The following TBC1D22A variants were observed in gnomAD, a reference collection of about 807,000 sequenced individuals.
TBC1D22A encodes putative GTPase activator.
In TBC1D22A, 38 loss-of-function variants were observed where a neutral mutation model predicts 60.2. The observed-to-expected ratio is 0.63, with a 90% CI of 0.49 to 0.83. The LOEUF is 0.83. Ranked by LOEUF, TBC1D22A falls within the 40% of genes least tolerant of loss-of-function variation. TBC1D22A has a pLI of 0.00. For missense variants in TBC1D22A, 628 were observed against 701.0 expected (o/e 0.90, Z 1.18); for synonymous variants, 302 against 281.7 (o/e 1.07, Z -0.72).
intron 12 of TBC1D22A, among the ~76,000 whole-genome samples, chr22:47,140,541 G>A (rs1283672649): frequency 2.0e-5 from 3 of 147,752 alleles, no homozygotes; most frequent in African/African-American, 7.6e-5. Context: ...GTGACAGAGT[G>A]AGACTCTGTC....
intron 9 of TBC1D22A, among the ~76,000 whole-genome samples, chr22:46,975,575 G>C (rs1248859419): frequency 6.6e-6 from 1 of 152,186 alleles, no homozygotes; most frequent in African/African-American, 2.4e-5. Context: ...CCTCATCTGA[G>C]AGACACAGAG....
At chr22:47,112,637 A>G (rs2065893777) in intron 12 of TBC1D22A, among the ~76,000 whole-genome samples, 1 of 152,192 alleles carries the variant, frequency 6.6e-6, no homozygotes, top group South Asian at 2.1e-4. Flanking sequence ...AGAGCTGCCA[A>G]CAGATCCTGG....
intron 10 of TBC1D22A, among the ~76,000 whole-genome samples, chr22:46,998,592 C>A (rs2075201643): frequency 6.6e-6 from 1 of 152,244 alleles, no homozygotes; most frequent in South Asian, 2.1e-4. Context: ...CCCCTCCCTG[C>A]GCCTTTAGCA....
At chr22:47,113,622 A>T (rs2065927663) in intron 12 of TBC1D22A, among the ~76,000 whole-genome samples, 1 of 152,064 alleles carries the variant, frequency 6.6e-6, no homozygotes, top group Non-Finnish European at 1.5e-5. Context: ...GAAATGATTG[A>T]CCTTCAGCAA....
chr22:47,145,635 A>G (rs1160266499), intron 12 of TBC1D22A, among the ~76,000 whole-genome samples: 2 of 152,234 alleles, frequency 1.3e-5, no homozygotes, highest in Non-Finnish European at 2.9e-5. Context: ...TAGGAGAGGT[A>G]TTCTTGTTTT....
chr22:46,788,187 C>G lies in TBC1D22A; in HGVS notation c.63-4333C>G, dbSNP rs529149304. On this transcript the variant is annotated intron_variant, in intron 1 of 12. Coordinates refer to ENST00000337137, the MANE Select transcript of TBC1D22A (RefSeq NM_014346.5). ...TCCAGACCTCGTGATCCACCCGCCT[C>G]GGCCTCCCAAAGTGCTGGGATTACA... Among the ~76,000 whole-genome samples the G allele has an allele frequency of 2.5e-4, 38 of 152,188 alleles. 2 individuals are homozygous for G. In the East Asian group the frequency reaches 6.8e-3, roughly 27 times the overall value.
chr22:47,050,982 C>T (rs2063194168), intron 11 of TBC1D22A, among the ~76,000 whole-genome samples: 1 of 152,156 alleles, frequency 6.6e-6, no homozygotes, highest in Non-Finnish European at 1.5e-5. Flanking sequence ...GGGACCTTTG[C>T]AGCCGCCTGG....
At chr22:46,921,742 A>G (rs1307511794) in intron 8 of TBC1D22A, among the ~76,000 whole-genome samples, 1 of 151,458 alleles carries the variant, frequency 6.6e-6, no homozygotes, top group Non-Finnish European at 1.5e-5. Flanking sequence ...TACAACCTCC[A>G]CAGCATCTGT....
chr22:47,060,656 T>C (rs2063542159), intron 11 of TBC1D22A, among the ~76,000 whole-genome samples: 1 of 152,218 alleles, frequency 6.6e-6, no homozygotes. Flanking sequence ...GGTCTTGAAC[T>C]CCTGACCTCA....
intron 11 of TBC1D22A, among the ~76,000 whole-genome samples, chr22:47,088,812 G>A (rs2064803079): frequency 1.3e-5 from 2 of 152,326 alleles, no homozygotes; most frequent in South Asian, 2.1e-4. Context: ...GCATCACCAG[G>A]AAGGAGACCC....
intron 11 of TBC1D22A, among the ~76,000 whole-genome samples, chr22:47,078,555 G>A (rs1050004793): frequency 7.2e-5 from 11 of 152,106 alleles, no homozygotes; most frequent in Admixed American, 2.0e-4. Flanking sequence ...AATGTAACGC[G>A]CTTAGCACAG....
chr22:46,966,327 G>A (rs774228497), intron 8 of TBC1D22A, among the ~76,000 whole-genome samples: 33 of 152,224 alleles, frequency 2.2e-4, no homozygotes, highest in Non-Finnish European at 3.8e-4. Context: ...TGTGAGCTGC[G>A]TCCCTCTGTA....
rs928990523 is a variant in TBC1D22A, at chr22:47,175,027, A to G, written c.*1401A>G. The G allele has an allele frequency of 6.6e-6, 1 of 152,260 alleles. No homozygotes were observed. The highest frequency in any genetic ancestry group is 1.5e-5 in the Non-Finnish European group (1 of 68,112). The allele number at this position is 152,260 out of a possible 1,614,324, so 9.4% of individuals were successfully genotyped here. ...GCGACCCACTGGTGACTGACTTCCC[A>G]GACTCTCCTCTGTCCCTCAGGAGCA... On this transcript the variant is annotated 3_prime_UTR_variant, in exon 13 of 13. Transcript: ENST00000337137.
intron 4 of TBC1D22A, among the ~76,000 whole-genome samples, chr22:46,829,500 A>G (rs1362077796): frequency 6.6e-6 from 1 of 152,184 alleles, no homozygotes; most frequent in Non-Finnish European, 1.5e-5. Flanking sequence ...GAACTCTTCT[A>G]ACCGACTTAC....
At chr22:46,872,505 G>T (rs535752052) in intron 4 of TBC1D22A, among the ~76,000 whole-genome samples, 12,975 of 152,232 alleles carry the variant, frequency 0.085, 743 homozygotes, top group Non-Finnish European at 0.13. Context: ...TAGAAAACTG[G>T]ACCAGATATG....
chr22:46,788,737 G>C (rs577695661), intron 1 of TBC1D22A, among the ~76,000 whole-genome samples: 1 of 152,300 alleles, frequency 6.6e-6, no homozygotes, highest in Non-Finnish European at 1.5e-5. Flanking sequence ...AGAAATAAAT[G>C]TGATGTTTTC....
intron 9 of TBC1D22A, among the ~76,000 whole-genome samples, chr22:46,986,076 A>T (rs1392907081): frequency 6.6e-6 from 1 of 152,180 alleles, no homozygotes; most frequent in Non-Finnish European, 1.5e-5. Context: ...GCTTGACTTA[A>T]TTTCTGTATA....
At chr22:47,111,677 A>T in intron 12 of TBC1D22A, 74 bp downstream of exon 12, 1 of 1,384,964 alleles carries the variant, frequency 7.2e-7, no homozygotes, top group Non-Finnish European at 1.0e-6. Context: ...ATTTTAGTTC[A>T]CAGGGTTATT....
At chr22:47,020,850 A>T in intron 10 of TBC1D22A, among the ~76,000 whole-genome samples, 1 of 146,746 alleles carries the variant, frequency 6.8e-6, no homozygotes, top group Non-Finnish European at 1.5e-5. Flanking sequence ...TTATATAATT[A>T]CAGGATTATA....
Sources: gnomAD v4.1 joint callset for allele counts (sites outside exome capture counted in the v4.1 genomes callset) on GRCh38, gnomAD v4.1.1 for gene constraint, MANE v1.5 for transcripts, NCBI Gene and HGNC (gene_info 2026-07-23, HGNC 2026-07-21) for gene names.